The following FREM2 variants were observed in gnomAD, a reference collection of about 807,000 sequenced individuals.
FREM2 encodes FRAS1-related extracellular matrix protein 2.
FREM2 carries 119 observed loss-of-function variants against 219.9 expected under a neutral mutation model. The observed-to-expected ratio is 0.54, with a 90% CI of 0.47 to 0.63. The LOEUF (loss-of-function observed/expected upper bound fraction) is 0.63. Among genes scored for constraint, FREM2 ranks in the 30% least tolerant of loss-of-function variants. The pLI is 0.00. For synonymous variants in FREM2, 1,562 were observed against 1,522.8 expected, an observed-to-expected ratio of 1.03 and a Z score of -0.60; for missense variants, 4,030 against 3,993.6, an observed-to-expected ratio of 1.01 and a Z score of -0.25.
rs763168086 is a variant in FREM2 at position 38,850,997 on chromosome 13, G to T, written c.6631G>T (p.Glu2211Ter). ...LELMDDVLYE[E>*]VEELRLVLGT... The stretch of plus-strand genomic sequence containing the variant: ...GCTGATGGACGATGTGCTCTATGAG[G>T]AGGTAGAGGAGCTCCGCCTGGTACT... The change falls in exon 10 of 24, where the codon GAG (glutamate) becomes TAG (stop). Residue 2211 changes from glutamate to a stop codon, truncating the protein, a stop_gained. Coordinates refer to ENST00000280481, the MANE Select transcript of FREM2 (RefSeq NM_207361.6). LOFTEE classifies it high-confidence loss of function. 1 of 1,613,676 alleles carries T rather than the reference G, an allele frequency of 6.2e-7. No individual in the cohort carries two copies.
Position 38,874,590 on chromosome 13 carries a change from A to G in FREM2, c.8281+4A>G, listed in dbSNP as rs1458104028. On this transcript the variant is annotated splice_donor_region_variant and intron_variant, in intron 18 of 23. Transcript: ENST00000280481. ...TTATTTGTGCTGTCACATCCCGGTA[A>G]GCCCCGTTATCTTTTAACAACCACT... The G allele has an allele frequency of 2.5e-6, 4 of 1,611,892 alleles. No individual in the cohort carries two copies. The highest frequency in any genetic ancestry group is 3.4e-6 in the Non-Finnish European group (4 of 1,177,954).
chr13:38,769,855 A>G (rs1229032228), intron 4 of FREM2, 47 bp downstream of exon 4: 4 of 1,373,854 alleles, frequency 2.9e-6, no homozygotes, highest in African/African-American at 2.8e-5. Context: ...TTGGGCTGCT[A>G]TGACAAAATA....
chr13:38,753,310 T>A (rs1031238268), intron 2 of FREM2, among the ~76,000 whole-genome samples: 4 of 152,192 alleles, frequency 2.6e-5, no homozygotes, highest in Non-Finnish European at 5.9e-5. Context: ...TTTAAAATAG[T>A]CTTATGCTTA....
intron 2 of FREM2, among the ~76,000 whole-genome samples, chr13:38,726,466 A>T (rs1320923042): frequency 2.0e-5 from 3 of 152,214 alleles, no homozygotes; most frequent in African/African-American, 7.2e-5. Flanking sequence ...GCAAGGCTGC[A>T]GATGCCAGAG....
Position 38,689,579 on chromosome 13 carries a change from C to G in FREM2, c.2235C>G (p.Pro745=), listed in dbSNP as rs1377180823. ...AACTACGTTACACAGTGACTCAGCC[C>G]CCCACAGACACAGACGAAAATCACC... is the stretch of plus-strand genomic sequence containing the variant. ...DRELRYTVTQ[P]PTDTDENHLP... is the part of the protein sequence containing the mutation. The change falls in exon 1 of 24, where the codon CCC becomes CCG. Residue 745 remains proline, a synonymous_variant. Transcript: ENST00000280481. 6 of 1,612,736 alleles carry G rather than the reference C, an allele frequency of 3.7e-6. No homozygotes were observed. Among genetic ancestry groups the G allele is most frequent in the Middle Eastern group, 3.3e-4 (2 of 6,058 alleles).
rs145484598 is a variant in FREM2, at chr13:38,690,145, G to A, written c.2801G>A (p.Arg934Gln). ...CCCATCACTCTCAGAGTAAATGTCC[G>A]GCCAGTGGATGATGAAGTGCCCATA... ...VVPITLRVNV[R>Q]PVDDEVPILS... Residue 934 changes from arginine to glutamine, a missense_variant, in exon 1 of 24, where the codon CGG (arginine) becomes CAG (glutamine). By Grantham distance (43) the Arg-to-Gln change is conservative (BLOSUM62 1). Transcript: ENST00000280481. 6.1e-5 allele frequency: 99 copies of A among 1,614,094 alleles called. No individual in the cohort carries two copies. Among genetic ancestry groups the A allele is most frequent in the Middle Eastern group, 3.3e-4 (2 of 6,062 alleles).
chr13:38,843,470 G>A (rs911109824), intron 6 of FREM2, among the ~76,000 whole-genome samples: 4 of 151,794 alleles, frequency 2.6e-5, no homozygotes, highest in Admixed American at 6.6e-5. Context: ...AAAGAAAGAG[G>A]TGAGTTAAAA....
intron 3 of FREM2, among the ~76,000 whole-genome samples, chr13:38,769,240 G>A (rs987934987): frequency 3.9e-5 from 6 of 152,130 alleles, no homozygotes; most frequent in Non-Finnish European, 8.8e-5. Context: ...AATGTGAAGA[G>A]TTTTAAGATT....
chr13:38,876,528 G>C, intron 20 of FREM2, 146 bp downstream of exon 20: 1 of 743,528 alleles, frequency 1.3e-6, no homozygotes, highest in Non-Finnish European at 2.3e-6. Flanking sequence ...AAGGAAGCTA[G>C]GGATAAAAGA....
intron 2 of FREM2, among the ~76,000 whole-genome samples, chr13:38,750,950 T>A (rs1020365241): frequency 6.6e-6 from 1 of 152,132 alleles, no homozygotes; most frequent in African/African-American, 2.4e-5. Flanking sequence ...TGCCTTGGCC[T>A]CCCAAAGCCA....
chr13:38,844,082 CTT>C (rs2137903810), intron 6 of FREM2, among the ~76,000 whole-genome samples: 1 of 152,196 alleles, frequency 6.6e-6, no homozygotes, highest in East Asian at 1.9e-4. Flanking sequence ...AGTTAATTAA[CTT>C]TTCTAACTCC....
At chr13:38,736,828 G>A (rs977823123) in intron 2 of FREM2, among the ~76,000 whole-genome samples, 1 of 151,984 alleles carries the variant, frequency 6.6e-6, no homozygotes, top group Admixed American at 6.6e-5. Flanking sequence ...AACTTTTAGT[G>A]AAAGATGCAC....
At chr13:38,840,270 C>T (rs115355027) in intron 6 of FREM2, among the ~76,000 whole-genome samples, 1 of 151,976 alleles carries the variant, frequency 6.6e-6, no homozygotes, top group Non-Finnish European at 1.5e-5. Context: ...TCTGCTTGCT[C>T]TCCATGGGCT....
intron 2 of FREM2, among the ~76,000 whole-genome samples, chr13:38,738,743 A>G (rs1222520801): frequency 6.6e-6 from 1 of 152,104 alleles, no homozygotes; most frequent in African/African-American, 2.4e-5. Context: ...GTATGAGACC[A>G]GCCTATCTCT....
intron 2 of FREM2, among the ~76,000 whole-genome samples, chr13:38,747,229 T>C (rs1396551270): frequency 6.6e-6 from 1 of 152,174 alleles, no homozygotes; most frequent in Non-Finnish European, 1.5e-5. Flanking sequence ...GTTATGAGAT[T>C]TTCCTCTCTT....
Position 38,876,935 on chromosome 13 carries a change from T to G in FREM2, c.8545-182T>G, listed in dbSNP as rs746490460. ...TCAAAAAATGACTTGATCCCACCAGTTTTGCCTTCTCAAGGACAAAAGCAA... is the reference window on the plus strand; with the variant it reads ...TCAAAAAATGACTTGATCCCACCAGGTTTGCCTTCTCAAGGACAAAAGCAA... On this transcript the variant is annotated intron_variant, in intron 20 of 23. Coordinates refer to ENST00000280481, the MANE Select transcript of FREM2 (RefSeq NM_207361.6). Among the ~76,000 whole-genome samples the G allele has an allele frequency of 2.0e-4, 31 of 152,160 alleles. No individual in the cohort carries two copies. The highest frequency in any genetic ancestry group is 7.2e-4 in the Admixed American group (11 of 15,272).
intron 4 of FREM2, among the ~76,000 whole-genome samples, chr13:38,780,348 C>T (rs1024272850): frequency 4.6e-5 from 7 of 152,176 alleles, no homozygotes; most frequent in African/African-American, 1.4e-4. Flanking sequence ...CACACCTGGT[C>T]CGTCAGAAAA....
chr13:38,843,937 A>C (rs1877054549), intron 6 of FREM2, among the ~76,000 whole-genome samples: 1 of 151,938 alleles, frequency 6.6e-6, no homozygotes, highest in Non-Finnish European at 1.5e-5. Flanking sequence ...TAATCTCATA[A>C]TAATCACATC....
chr13:38,752,126 C>CA (rs1170597382), intron 2 of FREM2, among the ~76,000 whole-genome samples: 1 of 152,172 alleles, frequency 6.6e-6, no homozygotes, highest in Non-Finnish European at 1.5e-5. Context: ...AAGTGTATGA[C>CA]ATTGATGCTG....
Sources: gnomAD v4.1 joint callset for allele counts (sites outside exome capture counted in the v4.1 genomes callset) on GRCh38, gnomAD v4.1.1 for gene constraint, MANE v1.5 for transcripts, NCBI Gene and HGNC (gene_info 2026-07-23, HGNC 2026-07-21) for gene names.